Variants in MYOZ2 observed in about 807,000 individuals in gnomAD.
The protein encoded by MYOZ2 is myozenin 2, also known as myozenin-2.
Under a neutral mutation model 25.4 loss-of-function variants are expected in MYOZ2, and 19 were observed. That is an observed-to-expected ratio of 0.75 (90% CI 0.52 to 1.10). The LOEUF (loss-of-function observed/expected upper bound fraction) is 1.10. MYOZ2 is among the 50% of genes least tolerant of loss of function. The probability of loss-of-function intolerance (pLI) is 0.00; values close to 1 mark genes in which losing one functional copy is unlikely to be tolerated. For missense variants in MYOZ2, 270 were observed against 317.9 expected (o/e 0.85, Z 1.15); for synonymous variants, 92 against 106.9 (o/e 0.86, Z 0.86).
chr4:119,185,934 T>A (rs367591066), intron 5 of MYOZ2, 32 bp from the exon 6 acceptor site: 38 of 1,535,732 alleles, frequency 2.5e-5, no homozygotes, highest in African/African-American at 7.4e-5. Context: ...TGAATATTAA[T>A]TGAGATCTGT....
chr4:119,173,712 C>T (rs1389104603), intron 5 of MYOZ2, among the ~76,000 whole-genome samples: 2 of 152,240 alleles, frequency 1.3e-5, no homozygotes, highest in Non-Finnish European at 2.9e-5. Flanking sequence ...CACCGCTGCA[C>T]TGTGGGAGCC....
At chr4:119,168,903 A>G (rs1024284708) in intron 5 of MYOZ2, among the ~76,000 whole-genome samples, 5 of 152,234 alleles carry the variant, frequency 3.3e-5, no homozygotes, top group African/African-American at 4.8e-5. Flanking sequence ...ATTTTGAAAT[A>G]AGTTCTACTG....
intron 3 of MYOZ2, among the ~76,000 whole-genome samples, chr4:119,155,130 C>T (rs1372348723): frequency 6.6e-6 from 1 of 151,982 alleles, no homozygotes; most frequent in Non-Finnish European, 1.5e-5. Flanking sequence ...GTGCCAAGTT[C>T]CTTTTAACAA....
chr4:119,184,706 TAAATC>T (rs1370516781), intron 5 of MYOZ2, among the ~76,000 whole-genome samples: 39 of 152,202 alleles, frequency 2.6e-4, no homozygotes, highest in Non-Finnish European at 7.3e-5. Context: ...ATCAAATGCT[TAAATC>T]AAACAAAGCA....
At chr4:119,185,286 A>G (rs1477598817) in intron 5 of MYOZ2, among the ~76,000 whole-genome samples, 2 of 151,880 alleles carry the variant, frequency 1.3e-5, no homozygotes, top group Non-Finnish European at 2.9e-5. Context: ...TTGGGATTAC[A>G]GGTGTAAGCC....
intron 5 of MYOZ2, among the ~76,000 whole-genome samples, chr4:119,181,761 A>C (rs980469565): frequency 6.6e-6 from 1 of 152,252 alleles, no homozygotes; most frequent in Non-Finnish European, 1.5e-5. Context: ...CCCAGAATTT[A>C]ATACATACAG....
chr4:119,159,211 C>T (rs1310766057), intron 4 of MYOZ2, among the ~76,000 whole-genome samples: 1 of 152,104 alleles, frequency 6.6e-6, no homozygotes, highest in African/African-American at 2.4e-5. Context: ...CTGAGGATCA[C>T]TTTAGGCCAG....
At chr4:119,152,196 T>A (rs796297387) in intron 3 of MYOZ2, among the ~76,000 whole-genome samples, 2 of 92,784 alleles carry the variant, frequency 2.2e-5, no homozygotes, top group Admixed American at 2.6e-4. Flanking sequence ...CTATAGTATT[T>A]ATACTTGTGA....
rs549071867 is a variant in MYOZ2, at chr4:119,150,010, G to A, written c.77-862G>A. ...AATTTTTCTTCCTATGCATTTAACG[G>A]TAGTCAACTGTGGCAAAAAGACTCT... is the stretch of plus-strand genomic sequence containing the variant. On this transcript the variant is annotated intron_variant, in intron 2 of 5. Coordinates refer to ENST00000307128, the MANE Select transcript of MYOZ2 (RefSeq NM_016599.5). Among the ~76,000 whole-genome samples, 50 of 152,196 alleles carry A rather than the reference G, an allele frequency of 3.3e-4. No individual in the cohort carries two copies. The South Asian group carries it at 9.8e-3, about 30-fold the overall frequency.
At chr4:119,177,331 G>C (rs1315468881) in intron 5 of MYOZ2, among the ~76,000 whole-genome samples, 1 of 152,138 alleles carries the variant, frequency 6.6e-6, no homozygotes, top group Non-Finnish European at 1.5e-5. Context: ...AATGTGGCTG[G>C]ATAAAAAGAC....
At chr4:119,169,861 G>T (rs188038721) in intron 5 of MYOZ2, among the ~76,000 whole-genome samples, 1 of 152,190 alleles carries the variant, frequency 6.6e-6, no homozygotes, top group Admixed American at 6.5e-5. Context: ...TCTTAGATTG[G>T]ATAAAGGCTA....
chr4:119,186,434 G>T lies in MYOZ2; in HGVS notation c.*234G>T. Reference sequence around the variant, plus strand: ...TTCATTCATAATTTTGTTTTCACCTGGTTTAAAGAATCCAGATATTTTACT... The same window carrying T: ...TTCATTCATAATTTTGTTTTCACCTTGTTTAAAGAATCCAGATATTTTACT... On this transcript the variant is annotated 3_prime_UTR_variant, in exon 6 of 6. Transcript: ENST00000307128. 2.0e-6 allele frequency: 1 copy of T among 495,370 alleles called. No individual in the cohort carries two copies. The highest frequency in any genetic ancestry group is 3.6e-5 in the East Asian group (1 of 27,452). 30.7% of individuals were successfully genotyped at this position (495,370 alleles called of 1,614,324 possible).
chr4:119,161,229 T>C (rs1741702172), intron 4 of MYOZ2, among the ~76,000 whole-genome samples: 1 of 152,180 alleles, frequency 6.6e-6, no homozygotes, highest in South Asian at 2.1e-4. Context: ...TTAGAAAATG[T>C]CTATGCAATA....
intron 5 of MYOZ2, among the ~76,000 whole-genome samples, chr4:119,172,399 G>C (rs538975568): frequency 1.2e-4 from 18 of 152,192 alleles, no homozygotes; most frequent in Non-Finnish European, 1.9e-4. Flanking sequence ...TGAGTCACGA[G>C]TGCTGATTGG....
At chr4:119,152,004 A>G (rs1741463633) in intron 3 of MYOZ2, among the ~76,000 whole-genome samples, 1 of 152,160 alleles carries the variant, frequency 6.6e-6, no homozygotes, top group African/African-American at 2.4e-5. Context: ...TAATATCTAC[A>G]TCCACAAACA....
At chr4:119,170,807 C>G (rs543111445) in intron 5 of MYOZ2, among the ~76,000 whole-genome samples, 1 of 152,184 alleles carries the variant, frequency 6.6e-6, no homozygotes, top group Non-Finnish European at 1.5e-5. Flanking sequence ...CAAAAGACAT[C>G]AAGCTTCAAG....
At chr4:119,175,099 G>A (rs1276345497) in intron 5 of MYOZ2, among the ~76,000 whole-genome samples, 3 of 152,054 alleles carry the variant, frequency 2.0e-5, no homozygotes, top group Non-Finnish European at 4.4e-5. Flanking sequence ...GAGAGGGTCC[G>A]CGGCTTCATT....
intron 5 of MYOZ2, among the ~76,000 whole-genome samples, chr4:119,166,755 A>G (rs1741834558): frequency 6.6e-6 from 1 of 152,164 alleles, no homozygotes; most frequent in African/African-American, 2.4e-5. Flanking sequence ...CACTTTGGTA[A>G]TTGTCACAAT....
chr4:119,163,884 G>A (rs533126860), intron 4 of MYOZ2, among the ~76,000 whole-genome samples: 2 of 152,212 alleles, frequency 1.3e-5, no homozygotes, highest in Admixed American at 6.5e-5. Flanking sequence ...AAAGTCTAGT[G>A]TGAATTAATG....
Sources: gnomAD v4.1 joint callset for allele counts (sites outside exome capture counted in the v4.1 genomes callset) on GRCh38, gnomAD v4.1.1 for gene constraint, MANE v1.5 for transcripts, NCBI Gene and HGNC (gene_info 2026-07-23, HGNC 2026-07-21) for gene names.